MTUS2: variants seen among roughly 807,000 people sequenced by gnomAD.
The protein encoded by MTUS2 is microtubule-associated tumor suppressor candidate 2.
MTUS2 carries 40 observed loss-of-function variants against 114.1 expected under a neutral mutation model. The observed-to-expected ratio is 0.35, with a 90% CI of 0.27 to 0.46. The LOEUF (loss-of-function observed/expected upper bound fraction) is 0.46. MTUS2 is among the 20% of genes least tolerant of loss of function. The pLI is 1.00. For missense variants in MTUS2, 1,679 were observed against 1,705.4 expected (o/e 0.98, Z 0.27); for synonymous variants, 688 against 672.0 (o/e 1.02, Z -0.37).
At chr13:29,093,876 G>T (rs141014019) in intron 4 of MTUS2, among the ~76,000 whole-genome samples, 1 of 152,064 alleles carries the variant, frequency 6.6e-6, no homozygotes, top group Non-Finnish European at 1.5e-5. Context: ...ATTAGCTGTA[G>T]GTTTTTCCAA....
chr13:28,973,996 T>C (rs896662854), intron 2 of MTUS2, among the ~76,000 whole-genome samples: 3 of 152,234 alleles, frequency 2.0e-5, no homozygotes, highest in African/African-American at 7.2e-5. Flanking sequence ...GGGTGTAACA[T>C]GTTTGCACAT....
intron 2 of MTUS2, among the ~76,000 whole-genome samples, chr13:28,911,165 G>A (rs1880402937): frequency 7.4e-6 from 1 of 134,606 alleles, no homozygotes; most frequent in South Asian, 2.4e-4. Context: ...ATGAGCCACT[G>A]CGCCCTGCTT....
At chr13:29,072,257 GT>G (rs1888974255) in intron 4 of MTUS2, 1 of 152,090 alleles carries the variant, frequency 6.6e-6, no homozygotes, top group African/African-American at 2.4e-5. Context: ...AATGTTGGTT[GT>G]TATTTTTAAT....
intron 7 of MTUS2, among the ~76,000 whole-genome samples, chr13:29,338,569 G>A (rs1050289614): frequency 6.6e-6 from 1 of 151,536 alleles, no homozygotes; most frequent in African/African-American, 2.4e-5. Context: ...CAGCCTGGGC[G>A]ACAGAGCAAG....
chr13:29,239,984 A>C (rs1185067540), intron 5 of MTUS2: 2 of 151,974 alleles, frequency 1.3e-5, no homozygotes, highest in Non-Finnish European at 2.9e-5. Context: ...CAACCCAGAA[A>C]CTGATAAGCT....
chr13:29,279,012 A>G (rs191337353), intron 5 of MTUS2, among the ~76,000 whole-genome samples: 27 of 152,300 alleles, frequency 1.8e-4, no homozygotes, highest in African/African-American at 5.5e-4. Flanking sequence ...TAAAATTAGC[A>G]TGTACATTAA....
chr13:29,455,295 G>A (rs1021699380), intron 9 of MTUS2, among the ~76,000 whole-genome samples: 1 of 152,152 alleles, frequency 6.6e-6, no homozygotes, highest in African/African-American at 2.4e-5. Flanking sequence ...GCCTGCAGGG[G>A]GCAGCTGAAG....
chr13:29,491,696 G>T (rs1882108626), intron 11 of MTUS2, among the ~76,000 whole-genome samples: 1 of 122,992 alleles, frequency 8.1e-6, no homozygotes, highest in African/African-American at 2.9e-5. Flanking sequence ...TGTGGAGTGT[G>T]GTGTATTCGT....
At chr13:29,200,912 G>C (rs1894928025) in intron 5 of MTUS2, among the ~76,000 whole-genome samples, 1 of 152,116 alleles carries the variant, frequency 6.6e-6, no homozygotes, top group Admixed American at 6.5e-5. Context: ...ATTTTCTGAG[G>C]AGCGTTTTAC....
Position 28,945,194 on chromosome 13 carries a change from T to TATATATATATATATATACACACAC in MTUS2, c.-242-79262_-242-79261insTATATATATATATATACACACACA, listed in dbSNP as rs1555276495. Among the ~76,000 whole-genome samples the TATATATATATATATATACACACAC allele has an allele frequency of 3.4e-3, 511 of 151,064 alleles. 5 individuals are homozygous for TATATATATATATATATACACACAC. Among genetic ancestry groups the TATATATATATATATATACACACAC allele is most frequent in the African/African-American group, 0.012 (485 of 40,628 alleles). On this transcript the variant is annotated intron_variant, in intron 2 of 15. Coordinates refer to ENST00000612955, the MANE Select transcript of MTUS2 (RefSeq NM_001033602.4). ...TAGTATTCCATTATATATATATATA[T>TATATATATATATATATACACACAC]ACACCACATTTTCTTTATCCAGTCG...
intron 2 of MTUS2, among the ~76,000 whole-genome samples, chr13:28,895,160 G>A (rs1879190645): frequency 6.6e-6 from 1 of 152,268 alleles, no homozygotes; most frequent in African/African-American, 2.4e-5. Flanking sequence ...ATTTGTGGAA[G>A]TAGTCCCAGC....
chr13:28,828,430 A>G (rs953196458), intron 1 of MTUS2, among the ~76,000 whole-genome samples: 6 of 152,232 alleles, frequency 3.9e-5, no homozygotes, highest in Non-Finnish European at 7.3e-5. Context: ...TAAAGTAAAG[A>G]CAGGCATAGG....
In MTUS2 at chr13:29,452,644, G is replaced by A. The variant is rs570666926; in HGVS notation, c.3184+12595G>A. ...TATTTTGTAGAGACAGGGTCTCACT[G>A]TGTTGCCCAGGCTGGTCTCGAACTC... On this transcript the variant is annotated intron_variant, in intron 9 of 15. Transcript: ENST00000612955. Among the ~76,000 whole-genome samples, 31 of 151,428 alleles carry A rather than the reference G, an allele frequency of 2.0e-4. No homozygotes were observed. The South Asian group carries it at 6.1e-3, about 30-fold the overall frequency.
chr13:29,484,742 C>T (rs1881467328), intron 10 of MTUS2: 1 of 152,238 alleles, frequency 6.6e-6, no homozygotes, highest in African/African-American at 2.4e-5. Context: ...ATGAGTAAAG[C>T]TGAGACAATG....
intron 4 of MTUS2, among the ~76,000 whole-genome samples, chr13:29,052,656 A>G (rs550582854): frequency 2.0e-5 from 3 of 152,308 alleles, no homozygotes; most frequent in South Asian, 2.1e-4. Flanking sequence ...AAAGATGCCT[A>G]TTGTAAGACT....
At chr13:29,293,080 A>T (rs1433659146) in intron 6 of MTUS2, among the ~76,000 whole-genome samples, 1 of 152,192 alleles carries the variant, frequency 6.6e-6, no homozygotes, top group East Asian at 1.9e-4. Context: ...TTAGTATGAC[A>T]TAAAACCTAG....
In MTUS2 at chr13:29,498,292, T is replaced by C. The variant is rs530235231; in HGVS notation, c.3679-126T>C. 2.7e-4 allele frequency: 351 copies of C among 1,321,718 alleles called. 3 individuals carry two copies. The highest frequency in any genetic ancestry group is 1.3e-3 in the South Asian group (88 of 70,130). 81.9% of individuals were successfully genotyped at this position (1,321,718 alleles called of 1,614,324 possible). On this transcript the variant is annotated intron_variant, in intron 13 of 15. Coordinates refer to ENST00000612955, the MANE Select transcript of MTUS2 (RefSeq NM_001033602.4). ...GAAGGCTGTGAGCATCCTCTCTCTT[T>C]GGTGTTGCAGTTGCCATCAGGGCGC...
chr13:29,346,775 C>T (rs1312096023), intron 7 of MTUS2, among the ~76,000 whole-genome samples: 3 of 146,594 alleles, frequency 2.0e-5, no homozygotes, highest in Non-Finnish European at 2.9e-5. Flanking sequence ...CACCCCTCCC[C>T]AAGAACTCCT....
At chr13:28,884,886 CAG>C (rs1177474126) in intron 2 of MTUS2, among the ~76,000 whole-genome samples, 1 of 152,006 alleles carries the variant, frequency 6.6e-6, no homozygotes, top group Non-Finnish European at 1.5e-5. Flanking sequence ...ATACAGGAAA[CAG>C]AAAAAACTAA....
Sources: gnomAD v4.1 joint callset for allele counts (sites outside exome capture counted in the v4.1 genomes callset) on GRCh38, gnomAD v4.1.1 for gene constraint, MANE v1.5 for transcripts, NCBI Gene and HGNC (gene_info 2026-07-23, HGNC 2026-07-21) for gene names.